Variants in GPM6A observed in about 807,000 individuals in gnomAD.
GPM6A encodes glycoprotein M6A.
A neutral mutation model predicts 32.1 loss-of-function variants in GPM6A; 7 were observed. The observed-to-expected ratio is 0.22, with a 90% CI of 0.12 to 0.41. The LOEUF is 0.41. GPM6A is among the 10% of genes least tolerant of loss of function. The probability of loss-of-function intolerance (pLI) is 1.00; values close to 1 mark genes in which losing one functional copy is unlikely to be tolerated. For missense variants in GPM6A, 235 were observed against 347.2 expected (o/e 0.68, Z 2.57); for synonymous variants, 130 against 123.4 (o/e 1.05, Z -0.35).
chr4:175,836,773 C>T (rs900521795), intron 1 of GPM6A, among the ~76,000 whole-genome samples: 2 of 151,880 alleles, frequency 1.3e-5, no homozygotes, highest in Non-Finnish European at 2.9e-5. Flanking sequence ...ATATTATGTC[C>T]AGCTTTGTAG....
chr4:175,656,599 A>G (rs1456440334), intron 3 of GPM6A, among the ~76,000 whole-genome samples: 1 of 152,174 alleles, frequency 6.6e-6, no homozygotes, highest in Non-Finnish European at 1.5e-5. Flanking sequence ...TGTTCTTTAG[A>G]AAAAGGTGAC....
At chr4:175,804,987 G>A (rs1329848045) in intron 1 of GPM6A, among the ~76,000 whole-genome samples, 1 of 152,142 alleles carries the variant, frequency 6.6e-6, no homozygotes, top group Non-Finnish European at 1.5e-5. Context: ...CGAGCTTGCA[G>A]TGAGCCAAGA....
chr4:175,766,603 C>A (rs1251206171), intron 1 of GPM6A, among the ~76,000 whole-genome samples: 1 of 151,416 alleles, frequency 6.6e-6, no homozygotes, highest in Non-Finnish European at 1.5e-5. Flanking sequence ...GTGCTCTCTG[C>A]AGAGCACATT....
At chr4:175,672,609 G>T (rs534065416) in intron 3 of GPM6A, among the ~76,000 whole-genome samples, 55 of 151,956 alleles carry the variant, frequency 3.6e-4, no homozygotes, top group African/African-American at 1.3e-3. Flanking sequence ...TCTATAATTC[G>T]CTATTACTGA....
At chr4:175,795,090 T>C (rs942471572) in intron 1 of GPM6A, among the ~76,000 whole-genome samples, 3 of 152,144 alleles carry the variant, frequency 2.0e-5, no homozygotes, top group African/African-American at 4.8e-5. Flanking sequence ...ATTTCTGAAG[T>C]GAAAGCATTT....
chr4:175,939,383 A>C (rs2126337132), intron 1 of GPM6A, among the ~76,000 whole-genome samples: 1 of 152,346 alleles, frequency 6.6e-6, no homozygotes, highest in Non-Finnish European at 1.5e-5. Context: ...TCCTGATGTA[A>C]AATCTGTTAT....
chr4:175,950,466 A>G (rs923368250), intron 1 of GPM6A, among the ~76,000 whole-genome samples: 3 of 152,194 alleles, frequency 2.0e-5, no homozygotes, highest in African/African-American at 7.2e-5. Flanking sequence ...ATTATTTCCA[A>G]CTTTCAACAA....
intron 1 of GPM6A, chr4:175,906,559 C>G (rs1330676987): frequency 6.6e-6 from 1 of 152,154 alleles, no homozygotes; most frequent in African/African-American, 2.4e-5. Context: ...ACACACAGCT[C>G]TGTTTCTTGC....
chr4:175,686,299 C>T (rs890817108), intron 2 of GPM6A, among the ~76,000 whole-genome samples: 2 of 152,104 alleles, frequency 1.3e-5, no homozygotes, highest in Admixed American at 6.6e-5. Flanking sequence ...ATGGCAAAAC[C>T]GCAATAACTT....
intron 1 of GPM6A, among the ~76,000 whole-genome samples, chr4:175,819,628 T>C (rs1290214055): frequency 6.6e-6 from 1 of 152,220 alleles, no homozygotes; most frequent in Non-Finnish European, 1.5e-5. Context: ...ACAAAAAGAT[T>C]AAATTCTTTG....
chr4:175,887,467 A>C (rs1421716736), intron 1 of GPM6A, among the ~76,000 whole-genome samples: 1 of 151,938 alleles, frequency 6.6e-6, no homozygotes, highest in East Asian at 1.9e-4. Context: ...AGAAAGAAAA[A>C]CATTCAAACA....
chr4:175,985,259 TATC>T (rs1412795962), intron 1 of GPM6A, among the ~76,000 whole-genome samples: 3 of 152,226 alleles, frequency 2.0e-5, no homozygotes, highest in Admixed American at 2.0e-4. Flanking sequence ...AGATCTATCT[TATC>T]ATGTGTTCAC....
At chr4:176,001,792 C>T (rs1741490552) in intron 1 of GPM6A, among the ~76,000 whole-genome samples, 1 of 152,214 alleles carries the variant, frequency 6.6e-6, no homozygotes, top group Non-Finnish European at 1.5e-5. Flanking sequence ...CCTGCACCAG[C>T]ACCTTCCTCT....
At chr4:175,682,782 T>C (rs1329848523) in intron 2 of GPM6A, among the ~76,000 whole-genome samples, 1 of 151,744 alleles carries the variant, frequency 6.6e-6, no homozygotes, top group East Asian at 1.9e-4. Flanking sequence ...AATGCAAGAG[T>C]GAAGAACACT....
intron 1 of GPM6A, among the ~76,000 whole-genome samples, chr4:175,880,420 G>A (rs1737233435): frequency 6.6e-6 from 1 of 152,148 alleles, no homozygotes. Context: ...CCAATTCTGT[G>A]AAGAAAGTCA....
intron 1 of GPM6A, among the ~76,000 whole-genome samples, chr4:175,856,763 C>T (rs1404557498): frequency 1.3e-5 from 2 of 152,098 alleles, no homozygotes; most frequent in Admixed American, 6.5e-5. Flanking sequence ...CCCAGTTGAA[C>T]TCCTCTCAAC....
At chr4:175,641,358 A>G (rs1741132163) in intron 4 of GPM6A, 1 of 153,880 alleles carries the variant, frequency 6.5e-6, no homozygotes, top group Non-Finnish European at 1.4e-5. Flanking sequence ...TCATAGACCA[A>G]CAGCATTAGA....
At chr4:175,663,430 A>G (rs111850807) in intron 3 of GPM6A, among the ~76,000 whole-genome samples, 3,419 of 152,294 alleles carry the variant, frequency 0.022, 70 homozygotes, top group South Asian at 0.1. Flanking sequence ...GGTTTCAGTT[A>G]GAAGGAATAA....
At chr4:175,831,517 G>A (rs1430408465) in intron 1 of GPM6A, among the ~76,000 whole-genome samples, 1 of 151,882 alleles carries the variant, frequency 6.6e-6, no homozygotes, top group East Asian at 1.9e-4. Context: ...CCATTGATGG[G>A]CCCCATGTCA....
Sources: gnomAD v4.1 joint callset for allele counts (sites outside exome capture counted in the v4.1 genomes callset) on GRCh38, gnomAD v4.1.1 for gene constraint, MANE v1.5 for transcripts, NCBI Gene and HGNC (gene_info 2026-07-23, HGNC 2026-07-21) for gene names.